The following TLR6 variants were observed in gnomAD, a reference collection of about 807,000 sequenced individuals.
TLR6 encodes toll like receptor 6.
In TLR6, 9 loss-of-function variants were observed where a neutral mutation model predicts 16.1. That is an observed-to-expected ratio of 0.56 (90% confidence interval 0.34 to 0.98). The LOEUF (loss-of-function observed/expected upper bound fraction) is 0.98, where lower values mean the gene tolerates loss of function less well. TLR6 is among the 50% of genes least tolerant of loss of function. TLR6 has a pLI of 0.02. For synonymous variants in TLR6, 340 were observed against 338.6 expected (o/e 1.00, Z -0.04); for missense variants, 786 against 921.0 (o/e 0.85, Z 1.90).
chr4:38,862,893 C>G, the TLR6 span, among the ~76,000 whole-genome samples: 3 of 148,732 alleles, frequency 2.0e-5, no homozygotes, highest in African/African-American at 7.5e-5. Context: ...CTACACCCGG[C>G]CCCCAATCAC....
chr4:38,826,999 AC>A (rs1727569917), exon 2 of TLR6: 1 of 1,078,006 alleles, frequency 9.3e-7, no homozygotes, highest in African/African-American at 1.6e-5. Context: ...TAATGGAGGC[AC>A]CTCCAGACAG....
chr4:38,863,745 T>A, the TLR6 span, among the ~76,000 whole-genome samples: 1 of 152,116 alleles, frequency 6.6e-6, no homozygotes. Context: ...GTCAAAAGCA[T>A]CATCATCTTT....
At chr4:38,866,410 T>G in the TLR6 span, among the ~76,000 whole-genome samples, 1 of 151,830 alleles carries the variant, frequency 6.6e-6, no homozygotes, top group Admixed American at 6.6e-5. Context: ...GGAGAATTGC[T>G]TGAACCCAGT....
At chr4:38,862,720 C>G in the TLR6 span, among the ~76,000 whole-genome samples, 1 of 151,282 alleles carries the variant, frequency 6.6e-6, no homozygotes, top group Admixed American at 6.6e-5. Context: ...CTCAGCCTCC[C>G]GAGTAGCTGG....
chr4:38,850,078 C>T (rs1283380950), intron 1 of TLR6, among the ~76,000 whole-genome samples: 2 of 152,208 alleles, frequency 1.3e-5, no homozygotes, highest in African/African-American at 2.4e-5. Flanking sequence ...AAGAAACTCA[C>T]TCAAAACCAC....
At chr4:38,832,005 C>T (rs974977964) in intron 1 of TLR6, among the ~76,000 whole-genome samples, 3 of 152,050 alleles carry the variant, frequency 2.0e-5, no homozygotes, top group African/African-American at 7.2e-5. Context: ...GGGTATTTAA[C>T]CAAAAGAACT....
At chr4:38,852,266 C>A (rs1202894683) in intron 1 of TLR6, among the ~76,000 whole-genome samples, 3 of 152,172 alleles carry the variant, frequency 2.0e-5, no homozygotes, top group African/African-American at 7.2e-5. Flanking sequence ...AGACTTAAAA[C>A]CATAAAAACT....
In TLR6 at chr4:38,829,415, A is replaced by G. The variant is rs751872623; in HGVS notation, c.59T>C (p.Ile20Thr). 14 of 1,614,046 alleles carry G rather than the reference A, an allele frequency of 8.7e-6. No homozygotes were observed. The East Asian group carries it at 2.7e-4, about 31-fold the overall frequency. Residue 20 changes from isoleucine (I) to threonine (T), a missense_variant, in exon 2 of 2, where the codon ATA (isoleucine) becomes ACA (threonine). Coordinates refer to ENST00000436693, the Ensembl canonical transcript of TLR6. ...GAACTGGATTCTGGTTCCAACTATT[A>G]TGATCATAAGGCAAACAAAATGGAA...
chr4:38,852,287 A>G (rs1454505478), intron 1 of TLR6, among the ~76,000 whole-genome samples: 1 of 152,182 alleles, frequency 6.6e-6, no homozygotes, highest in African/African-American at 2.4e-5. Context: ...CTAGAAGAAA[A>G]CCTAGGCAAT....
chr4:38,858,808 AGAGAGG>A (rs1560274595), upstream of TLR6, among the ~76,000 whole-genome samples: 5 of 105,872 alleles, frequency 4.7e-5, no homozygotes, highest in Admixed American at 1.8e-4. Flanking sequence ...AGAGAGAGAG[AGAGAGG>A]GAGAGAGAGA....
chr4:38,851,539 T>C (rs1007089396), intron 1 of TLR6, among the ~76,000 whole-genome samples: 2 of 152,126 alleles, frequency 1.3e-5, no homozygotes, highest in African/African-American at 2.4e-5. Context: ...TTCAGCAAAG[T>C]CTCAGGATAC....
intron 1 of TLR6, among the ~76,000 whole-genome samples, chr4:38,841,599 A>T (rs1712266469): frequency 6.6e-6 from 1 of 152,252 alleles, no homozygotes; most frequent in Non-Finnish European, 1.5e-5. Context: ...CTTTCTCAAT[A>T]AATGAACAGA....
chr4:38,827,872 G>C (rs1727624220), exon 2 of TLR6: 1 of 1,614,068 alleles, frequency 6.2e-7, no homozygotes, highest in Admixed American at 1.7e-5. Flanking sequence ...TTAGCTCACA[G>C]GTACATTGGA....
the TLR6 span, among the ~76,000 whole-genome samples, chr4:38,865,106 T>C: frequency 1.3e-5 from 2 of 152,168 alleles, no homozygotes; most frequent in Admixed American, 1.3e-4. Flanking sequence ...GGGATAGGGT[T>C]TCAAACATAT....
In TLR6 at chr4:38,829,441, GC is replaced by G. The variant is rs1461446489; in HGVS notation, c.32del (p.Ser11ThrfsTer8). 1 of 1,613,048 alleles carries G rather than the reference GC, an allele frequency of 6.2e-7. No individual in the cohort carries two copies. Among genetic ancestry groups the G allele is most frequent in the African/African-American group, 1.3e-5 (1 of 74,850 alleles). ...TGATCATAAGGCAAACAAAATGGAA[GC>G]TTTTAACAATAGGTTCTTTGTCTTT... On this transcript the variant is annotated frameshift_variant, in exon 2 of 2. Transcript: ENST00000436693. LOFTEE classifies it low-confidence loss of function (END_TRUNC).
chr4:38,832,746 G>T (rs1165505368), intron 1 of TLR6, among the ~76,000 whole-genome samples: 1 of 152,090 alleles, frequency 6.6e-6, no homozygotes, highest in African/African-American at 2.4e-5. Flanking sequence ...AAGATCAGCA[G>T]TGCAGCTAGG....
chr4:38,847,681 C>T (rs1712588059), intron 1 of TLR6, among the ~76,000 whole-genome samples: 2 of 152,238 alleles, frequency 1.3e-5, no homozygotes, highest in South Asian at 4.1e-4. Context: ...GAGCCTCGCT[C>T]ATTGCTAGCA....
upstream of TLR6, among the ~76,000 whole-genome samples, chr4:38,858,086 G>A (rs139334848): frequency 1.3e-5 from 2 of 152,158 alleles, no homozygotes; most frequent in Admixed American, 1.3e-4. Context: ...TATTCTTGTC[G>A]AGGCTGTCAT....
rs745877134 is a variant in TLR6, at chr4:38,827,125, C to CAT, written c.2347_2348dup (p.Met783IlefsTer2). 1 of 1,603,078 alleles carries CAT rather than the reference C, an allele frequency of 6.2e-7. No individual in the cohort carries two copies. Among genetic ancestry groups the CAT allele is most frequent in the Non-Finnish European group, 8.5e-7 (1 of 1,176,106 alleles). On this transcript the variant is annotated frameshift_variant, in exon 2 of 2. Transcript: ENST00000436693. LOFTEE classifies it low-confidence loss of function (END_TRUNC). ...TGTTTTCAGTGACTAGTGTTAATTT[C>CAT]ATATTAAAAGCGGCTCTAATGTTAG... is the stretch of plus-strand genomic sequence containing the variant.
Sources: gnomAD v4.1 joint callset for allele counts (sites outside exome capture counted in the v4.1 genomes callset) on GRCh38, gnomAD v4.1.1 for gene constraint, MANE v1.5 for transcripts, NCBI Gene and HGNC (gene_info 2026-07-23, HGNC 2026-07-21) for gene names.